FRMD4A: variants seen among roughly 807,000 people sequenced by gnomAD.
FRMD4A encodes the protein FERM domain containing 4A, also known as FERM domain-containing protein 4A.
A neutral mutation model predicts 129.1 loss-of-function variants in FRMD4A; 29 were observed. The ratio of observed to expected loss-of-function variants is 0.22; its 90% confidence interval spans 0.17 to 0.31. The LOEUF is 0.31. FRMD4A is among the 10% of genes least tolerant of loss of function. FRMD4A has a pLI of 1.00. For missense variants in FRMD4A, 1,272 were observed against 1,375.8 expected (o/e 0.92, Z 1.19); for synonymous variants, 634 against 571.6 (o/e 1.11, Z -1.56).
At chr10:14,229,332 G>C (rs1202371701) in intron 2 of FRMD4A, among the ~76,000 whole-genome samples, 1 of 152,020 alleles carries the variant, frequency 6.6e-6, no homozygotes, top group Non-Finnish European at 1.5e-5. Flanking sequence ...TGGTTGCATG[G>C]GTGGATATGT....
At chr10:13,913,537 G>A (rs2094965946) in intron 2 of FRMD4A, among the ~76,000 whole-genome samples, 1 of 152,126 alleles carries the variant, frequency 6.6e-6, no homozygotes, top group African/African-American at 2.4e-5. Flanking sequence ...TCTGCCATTA[G>A]GGTCTTTGGT....
chr10:14,095,798 T>C (rs1199079813), intron 2 of FRMD4A, among the ~76,000 whole-genome samples: 1 of 152,032 alleles, frequency 6.6e-6, no homozygotes, highest in African/African-American at 2.4e-5. Context: ...TTCTCCAGAG[T>C]TTAATCATGC....
chr10:13,994,407 G>C (rs1454919816), intron 2 of FRMD4A, among the ~76,000 whole-genome samples: 1 of 152,072 alleles, frequency 6.6e-6, no homozygotes, highest in African/African-American at 2.4e-5. Context: ...TCGATCTCCC[G>C]ACCTCATGAT....
chr10:13,979,913 C>T (rs1042121897), intron 2 of FRMD4A, among the ~76,000 whole-genome samples: 1 of 152,230 alleles, frequency 6.6e-6, no homozygotes, highest in African/African-American at 2.4e-5. Context: ...CTCTAACAGG[C>T]AGGGCCATTG....
At chr10:13,832,882 C>G (rs752628259) in intron 3 of FRMD4A, among the ~76,000 whole-genome samples, 1 of 152,232 alleles carries the variant, frequency 6.6e-6, no homozygotes, top group East Asian at 1.9e-4. Context: ...TCAAGCAATC[C>G]TCCCACCTCA....
chr10:13,747,647 G>A, intron 9 of FRMD4A, 89 bp downstream of exon 9: 1 of 707,546 alleles, frequency 1.4e-6, no homozygotes, highest in Non-Finnish European at 2.6e-6. Flanking sequence ...GCACGTGGGA[G>A]CTGGTGGAGG....
At chr10:13,691,628 CAGG>C (rs1438457977) in intron 15 of FRMD4A, among the ~76,000 whole-genome samples, 1 of 152,198 alleles carries the variant, frequency 6.6e-6, no homozygotes, top group Non-Finnish European at 1.5e-5. Flanking sequence ...CCTACAGAAT[CAGG>C]AGCTCTGAGA....
chr10:13,983,182 A>C (rs1394550431), intron 2 of FRMD4A, among the ~76,000 whole-genome samples: 2 of 152,148 alleles, frequency 1.3e-5, no homozygotes, highest in Admixed American at 1.3e-4. Flanking sequence ...GCTGGTCGCC[A>C]ATTTCTGACA....
At chr10:14,247,002 A>G (rs898630568) in intron 2 of FRMD4A, among the ~76,000 whole-genome samples, 2 of 152,108 alleles carry the variant, frequency 1.3e-5, no homozygotes, top group Non-Finnish European at 2.9e-5. Context: ...AAGCTCTAGA[A>G]TATTTTTTCT....
chr10:13,779,004 C>CATTT lies in FRMD4A; in HGVS notation c.384+3914_384+3917dup, dbSNP rs66555199. ...AAAATTCAGGACACTCTGGGCTTTACATTTATTTATTTATTTATTTAAAAA... is the reference window on the plus strand; with the variant it reads ...AAAATTCAGGACACTCTGGGCTTTACATTTATTTATTTATTTATTTATTTAAAAA... On this transcript the variant is annotated intron_variant, in intron 6 of 24. Coordinates refer to ENST00000357447, the MANE Select transcript of FRMD4A (RefSeq NM_018027.5). 6.2e-4 allele frequency among the ~76,000 whole-genome samples: 94 copies of CATTT among 151,422 alleles called. 1 individual carries two copies. The highest frequency in any genetic ancestry group is 2.1e-3 in the African/African-American group (85 of 41,202).
intron 2 of FRMD4A, among the ~76,000 whole-genome samples, chr10:14,295,929 G>T (rs1218462): frequency 6.6e-6 from 1 of 152,046 alleles, no homozygotes; most frequent in Non-Finnish European, 1.5e-5. Context: ...TGGGTGAAAC[G>T]ATCTTTTTCG....
At chr10:13,815,412 G>T (rs1000025971) in intron 3 of FRMD4A, among the ~76,000 whole-genome samples, 1 of 152,118 alleles carries the variant, frequency 6.6e-6, no homozygotes, top group African/African-American at 2.4e-5. Flanking sequence ...GCAGATGGGG[G>T]GTTATTGCTT....
At chr10:14,303,646 A>G (rs1846257213) in intron 2 of FRMD4A, among the ~76,000 whole-genome samples, 1 of 152,192 alleles carries the variant, frequency 6.6e-6, no homozygotes, top group African/African-American at 2.4e-5. Flanking sequence ...ACAGGGGCTG[A>G]CACAGGCAGC....
intron 2 of FRMD4A, among the ~76,000 whole-genome samples, chr10:13,946,043 C>T (rs2095329027): frequency 6.6e-6 from 1 of 152,234 alleles, no homozygotes; most frequent in South Asian, 2.1e-4. Flanking sequence ...AAGTAAAAAA[C>T]AGGACTGCCC....
rs567772459 is a variant in FRMD4A at position 14,240,432 on chromosome 10, G to T, written c.45+89626C>A. Among the ~76,000 whole-genome samples the T allele has an allele frequency of 3.3e-5, 5 of 152,224 alleles. 1 individual carries two copies. In the South Asian group the frequency reaches 1.0e-3, roughly 32 times the overall value. On this transcript the variant is annotated intron_variant, in intron 2 of 24. Coordinates refer to ENST00000357447, the MANE Select transcript of FRMD4A (RefSeq NM_018027.5). ...GGTGTATGATGATAAATAGTGCCAC[G>T]ATCTGCAGCGATTCCCACCCCTCCA...
At chr10:14,222,286 G>T (rs1169839678) in intron 2 of FRMD4A, among the ~76,000 whole-genome samples, 1 of 152,224 alleles carries the variant, frequency 6.6e-6, no homozygotes, top group African/African-American at 2.4e-5. Context: ...ACCTCAGTGA[G>T]CCTTGCTTAG....
At position 13,656,868 on chromosome 10, in the gene FRMD4A, C is replaced by T. The variant is rs750583045; in HGVS notation, c.2721G>A (p.Pro907=). Residue 907 remains proline, a synonymous_variant, in exon 22 of 25, where the codon CCG becomes CCA. Transcript: ENST00000357447. Reference sequence around the variant, plus strand: ...CGTGGGCGCCCTCGCGGCCCAGCGACGGAGTCCGCAGGATCTGCGATCGCG... The same window carrying T: ...CGTGGGCGCCCTCGCGGCCCAGCGATGGAGTCCGCAGGATCTGCGATCGCG... The part of the protein sequence containing the change: ...TPSRSQILRT[P]SLGREGAHDK... 1.0e-5 allele frequency: 15 copies of T among 1,488,554 alleles called. No individual in the cohort carries two copies. Among genetic ancestry groups the T allele is most frequent in the East Asian group, 2.7e-5 (1 of 37,196 alleles). 92.2% of individuals were successfully genotyped at this position (1,488,554 alleles called of 1,614,324 possible). A position where few individuals can be genotyped will look rare whatever the true frequency, so the allele number is the denominator to read the frequency against.
At chr10:14,069,426 G>T (rs1301924770) in intron 2 of FRMD4A, among the ~76,000 whole-genome samples, 3 of 152,142 alleles carry the variant, frequency 2.0e-5, no homozygotes, top group Non-Finnish European at 4.4e-5. Context: ...TTGGGGGTCA[G>T]GGAGAGGGCT....
intron 3 of FRMD4A, among the ~76,000 whole-genome samples, chr10:13,832,800 C>T (rs4460719): frequency 0.19 from 28,592 of 151,954 alleles, 2,913 homozygotes; most frequent in Non-Finnish European, 0.23. Flanking sequence ...CCACCACACC[C>T]GGCTAATTTT....
Sources: gnomAD v4.1 joint callset for allele counts (sites outside exome capture counted in the v4.1 genomes callset) on GRCh38, gnomAD v4.1.1 for gene constraint, MANE v1.5 for transcripts, NCBI Gene and HGNC (gene_info 2026-07-23, HGNC 2026-07-21) for gene names.